KLF3: variants seen among roughly 807,000 people sequenced by gnomAD.
The protein encoded by KLF3 is KLF transcription factor 3, also known as Krueppel-like factor 3.
KLF3 carries 6 observed loss-of-function variants against 32.7 expected under a neutral mutation model. The observed-to-expected ratio is 0.18, with a 90% CI of 0.10 to 0.36. The LOEUF (loss-of-function observed/expected upper bound fraction) is 0.36, where lower values mean the gene tolerates loss of function less well. KLF3 is among the 10% of genes least tolerant of loss of function. KLF3 has a pLI of 1.00. For missense variants in KLF3, 338 were observed against 449.7 expected (o/e 0.75, Z 2.25); for synonymous variants, 145 against 172.8 (o/e 0.84, Z 1.26).
Position 38,688,139 on chromosome 4 carries a change from A to G in KLF3, c.58-446A>G, listed in dbSNP as rs1722757704. ...CCTGCCGAAGTTAGACATCAAAGCT[A>G]GAGAGCATTTCCTGCTCATCAAGAA... On this transcript the variant is annotated intron_variant, in intron 2 of 5. Coordinates refer to ENST00000261438, the MANE Select transcript of KLF3 (RefSeq NM_016531.6). This position sits in a 1 kb window ranked among gnomAD's most constrained non-coding sequence, Gnocchi z 4.9. 6.6e-6 allele frequency among the ~76,000 whole-genome samples: 1 copy of G among 152,240 alleles called. No homozygotes were observed. The highest frequency in any genetic ancestry group is 1.5e-5 in the Non-Finnish European group (1 of 68,036).
chr4:38,682,376 C>A (rs1370923517), intron 2 of KLF3, among the ~76,000 whole-genome samples: 1 of 152,120 alleles, frequency 6.6e-6, no homozygotes, highest in Non-Finnish European at 1.5e-5. Flanking sequence ...TAAATTACTT[C>A]GAATGTTATT....
At chr4:38,680,244 C>T (rs775041947) in intron 1 of KLF3, among the ~76,000 whole-genome samples, 1 of 151,710 alleles carries the variant, frequency 6.6e-6, no homozygotes, top group Non-Finnish European at 1.5e-5. Context: ...GGTAGTGCCT[C>T]GCTCCATCAC....
intron 2 of KLF3, among the ~76,000 whole-genome samples, chr4:38,681,822 C>T (rs1722534080): frequency 6.6e-6 from 1 of 152,202 alleles, no homozygotes; most frequent in Non-Finnish European, 1.5e-5. Flanking sequence ...CATCCTTGTG[C>T]ATGGGCTCTG....
At chr4:38,686,463 A>AG (rs1722701254) in intron 2 of KLF3, among the ~76,000 whole-genome samples, 1 of 144,860 alleles carries the variant, frequency 6.9e-6, no homozygotes, top group Non-Finnish European at 1.5e-5. Context: ...AAAAAAAAAA[A>AG]GAAAAGAAAA....
intron 1 of KLF3, among the ~76,000 whole-genome samples, chr4:38,678,196 C>A (rs1445665673): frequency 1.3e-5 from 2 of 151,982 alleles, no homozygotes; most frequent in African/African-American, 4.8e-5. Context: ...GGTGACCAGC[C>A]GTGAGTCAGG....
At chr4:38,686,458 A>AG (rs1419536560) in intron 2 of KLF3, among the ~76,000 whole-genome samples, 1 of 148,994 alleles carries the variant, frequency 6.7e-6, no homozygotes, top group Non-Finnish European at 1.5e-5. Flanking sequence ...AAAAAAAAAA[A>AG]AAAAAGAAAA....
rs1160720178 is a variant in KLF3 at position 38,689,847 on chromosome 4, C to T, written c.663C>T (p.Asn221=). ...YPEEMSPPLM[N]SVSPPQALLQ... Reference sequence around the variant, plus strand: ...AAGAAATGTCACCCCCCTTAATGAACTCAGTGTCCCCCCCGCAAGCATTGT... The same window carrying T: ...AAGAAATGTCACCCCCCTTAATGAATTCAGTGTCCCCCCCGCAAGCATTGT... Residue 221 remains asparagine, a synonymous_variant, in exon 4 of 6, where the codon AAC becomes AAT. Coordinates refer to ENST00000261438, the MANE Select transcript of KLF3 (RefSeq NM_016531.6). 7 of 1,109,248 alleles carry T rather than the reference C, an allele frequency of 6.3e-6. No individual in the cohort carries two copies. The highest frequency in any genetic ancestry group is 2.0e-5 in the Admixed American group (1 of 50,024). The allele number at this position is 1,109,248 out of a possible 1,614,324, so 68.7% of individuals were successfully genotyped here.
At chr4:38,681,700 C>T (rs1281994351) in intron 2 of KLF3, among the ~76,000 whole-genome samples, 1 of 152,176 alleles carries the variant, frequency 6.6e-6, no homozygotes, top group Non-Finnish European at 1.5e-5. Flanking sequence ...GGCAATGCTC[C>T]CACTCTGTCT....
intron 1 of KLF3, among the ~76,000 whole-genome samples, chr4:38,673,682 C>T (rs1198205148): frequency 6.6e-6 from 1 of 152,122 alleles, no homozygotes; most frequent in Admixed American, 6.5e-5. Context: ...GGTGTCCCCG[C>T]CCCCAGCCCT....
At chr4:38,695,331 A>C (rs1579134134) in intron 5 of KLF3, among the ~76,000 whole-genome samples, 1 of 152,224 alleles carries the variant, frequency 6.6e-6, no homozygotes, top group East Asian at 1.9e-4. Flanking sequence ...AACAATTCAA[A>C]TAGAAGACTG....
chr4:38,690,489 T>TTTC (rs1308822203), intron 4 of KLF3: 1 of 152,268 alleles, frequency 6.6e-6, no homozygotes, highest in Non-Finnish European at 1.5e-5. Flanking sequence ...GGTTTGTAGT[T>TTTC]GCTAAGAAGA....
intron 1 of KLF3, among the ~76,000 whole-genome samples, chr4:38,677,996 GC>G (rs567348170): frequency 6.6e-6 from 1 of 151,814 alleles, no homozygotes; most frequent in African/African-American, 2.4e-5. Context: ...GATCACTCTT[GC>G]CCCATGGCTG....
intron 3 of KLF3, 131 bp downstream of exon 3, chr4:38,689,202 C>T: frequency 8.8e-7 from 1 of 1,138,170 alleles, no homozygotes; most frequent in South Asian, 1.6e-5. Flanking sequence ...CTGCCTAAGG[C>T]ATTTCCTTCC....
Position 38,694,932 on chromosome 4 carries a change from ATCTT to A in KLF3, c.856+31_856+34del, listed in dbSNP as rs1560420809. On this transcript the variant is annotated intron_variant, in intron 5 of 5. Transcript: ENST00000261438. Reference sequence around the variant, plus strand: ...GTAATAGAAACACCAGACCCACTTCATCTTTCTTCTTAAGAAGTATTAGAATGGA... The same window carrying A: ...GTAATAGAAACACCAGACCCACTTCATCTTCTTAAGAAGTATTAGAATGGA... The A allele has an allele frequency of 7.0e-6, 11 of 1,566,724 alleles. No homozygotes were observed. The East Asian group carries it at 2.4e-4, about 34-fold the overall frequency.
At chr4:38,693,318 AAG>A (rs1487547335) in intron 4 of KLF3, among the ~76,000 whole-genome samples, 1 of 150,972 alleles carries the variant, frequency 6.6e-6, no homozygotes, top group Non-Finnish European at 1.5e-5. Flanking sequence ...GCTCATAATA[AAG>A]CATGAGCAGT....
At chr4:38,675,840 C>G (rs888031380) in intron 1 of KLF3, among the ~76,000 whole-genome samples, 5 of 152,160 alleles carry the variant, frequency 3.3e-5, no homozygotes, top group Admixed American at 6.5e-5. Flanking sequence ...CCATGGGTAC[C>G]AAAGACTGCC....
intron 1 of KLF3, among the ~76,000 whole-genome samples, chr4:38,678,965 C>T (rs1171190343): frequency 6.6e-6 from 1 of 152,156 alleles, no homozygotes; most frequent in Non-Finnish European, 1.5e-5. Flanking sequence ...TGAGGAGACA[C>T]ATTTGAACAT....
In KLF3 at chr4:38,701,194, C is replaced by T. The variant is rs1023874062; in HGVS notation, c.*3931C>T. ...TAGATCTAACTGGAAGATGAACTACCGGAATTAACTCAGCCCTCAAGCTAT... is the reference window on the plus strand; with the variant it reads ...TAGATCTAACTGGAAGATGAACTACTGGAATTAACTCAGCCCTCAAGCTAT... On this transcript the variant is annotated 3_prime_UTR_variant, in exon 6 of 6. Transcript: ENST00000261438. Among the ~76,000 whole-genome samples, 3 of 152,082 alleles carry T rather than the reference C, an allele frequency of 2.0e-5. No homozygotes were observed. Among genetic ancestry groups the T allele is most frequent in the Admixed American group, 6.5e-5 (1 of 15,278 alleles).
intron 4 of KLF3, among the ~76,000 whole-genome samples, chr4:38,692,167 G>A (rs1214661973): frequency 2.0e-5 from 3 of 152,152 alleles, no homozygotes; most frequent in African/African-American, 7.2e-5. Flanking sequence ...AAACTTAAGA[G>A]GGGCTGTCTC....
Sources: allele counts gnomAD v4.1 joint callset (sites outside exome capture counted in the v4.1 genomes callset), GRCh38; gene constraint gnomAD v4.1.1; non-coding constraint Gnocchi (gnomAD v3.1); transcripts MANE v1.5; gene names NCBI Gene and HGNC (gene_info 2026-07-23, HGNC 2026-07-21).